GALNTL6: variants seen among roughly 807,000 people sequenced by gnomAD.
GALNTL6 encodes the protein polypeptide N-acetylgalactosaminyltransferase-like 6.
Under a neutral mutation model 73.7 loss-of-function variants are expected in GALNTL6, and 46 were observed. That is an observed-to-expected ratio of 0.62 (90% CI 0.49 to 0.80). The LOEUF (loss-of-function observed/expected upper bound fraction) is 0.80, where lower values mean the gene tolerates loss of function less well. GALNTL6 is among the 30% of genes least tolerant of loss of function. GALNTL6 has a pLI of 0.00. For synonymous variants in GALNTL6, 259 were observed against 263.7 expected (o/e 0.98, Z 0.17); for missense variants, 604 against 755.0 (o/e 0.80, Z 2.34).
At chr4:172,884,854 C>A (rs1745637938) in intron 8 of GALNTL6, among the ~76,000 whole-genome samples, 1 of 152,102 alleles carries the variant, frequency 6.6e-6, no homozygotes, top group African/African-American at 2.4e-5. Context: ...CTCATTTTCC[C>A]AGCATCATTT....
intron 10 of GALNTL6, among the ~76,000 whole-genome samples, chr4:172,955,393 G>A (rs1749664449): frequency 1.3e-5 from 2 of 151,898 alleles, no homozygotes; most frequent in South Asian, 4.2e-4. Context: ...TAGGAGAATC[G>A]CTTGAACCCG....
chr4:172,631,913 A>G (rs1338864133), intron 5 of GALNTL6, among the ~76,000 whole-genome samples: 1 of 152,200 alleles, frequency 6.6e-6, no homozygotes, highest in Non-Finnish European at 1.5e-5. Context: ...GTCTACATCA[A>G]TGTTTTAAAT....
intron 5 of GALNTL6, among the ~76,000 whole-genome samples, chr4:172,427,250 G>A (rs1287782930): frequency 2.0e-5 from 3 of 152,280 alleles, no homozygotes; most frequent in Non-Finnish European, 4.4e-5. Context: ...TGGCTGGGGA[G>A]GCCTCACAAT....
At chr4:171,840,814 C>A (rs1156249175) in intron 2 of GALNTL6, among the ~76,000 whole-genome samples, 2 of 152,108 alleles carry the variant, frequency 1.3e-5, no homozygotes, top group Admixed American at 6.6e-5. Context: ...TTTTTCTGAA[C>A]CATCTTAATT....
At chr4:171,918,142 G>C (rs751444202) in intron 2 of GALNTL6, among the ~76,000 whole-genome samples, 1 of 152,080 alleles carries the variant, frequency 6.6e-6, no homozygotes, top group Non-Finnish European at 1.5e-5. Flanking sequence ...ACAATTCTCA[G>C]ACAATAGTCT....
At chr4:171,914,348 A>G (rs1737554834) in intron 2 of GALNTL6, among the ~76,000 whole-genome samples, 2 of 152,184 alleles carry the variant, frequency 1.3e-5, no homozygotes, top group African/African-American at 4.8e-5. Context: ...CAAGAAAGGA[A>G]AAACAAAACC....
chr4:172,612,867 A>C (rs1019995824), intron 5 of GALNTL6, among the ~76,000 whole-genome samples: 3 of 152,132 alleles, frequency 2.0e-5, no homozygotes, highest in Non-Finnish European at 4.4e-5. Flanking sequence ...TAAATATTGC[A>C]ATGAAGCCCA....
intron 5 of GALNTL6, among the ~76,000 whole-genome samples, chr4:172,581,637 G>A (rs1442508515): frequency 5.3e-5 from 8 of 152,096 alleles, no homozygotes; most frequent in Non-Finnish European, 1.2e-4. Context: ...AGTCTTTCCT[G>A]TTCTTTTTAT....
intron 5 of GALNTL6, among the ~76,000 whole-genome samples, chr4:172,772,044 G>A (rs1029147914): frequency 2.0e-5 from 3 of 151,834 alleles, no homozygotes; most frequent in Admixed American, 2.0e-4. Flanking sequence ...AAGGTGAAAG[G>A]CACGTCTCAC....
At chr4:172,110,573 A>G (rs756780751) in intron 2 of GALNTL6, among the ~76,000 whole-genome samples, 3 of 152,234 alleles carry the variant, frequency 2.0e-5, no homozygotes, top group Non-Finnish European at 2.9e-5. Context: ...GAGTTGTCAG[A>G]GAAATCTAAC....
At chr4:172,494,687 T>A (rs1386742200) in intron 5 of GALNTL6, among the ~76,000 whole-genome samples, 3 of 152,194 alleles carry the variant, frequency 2.0e-5, no homozygotes, top group African/African-American at 7.2e-5. Context: ...CTGGCATAAG[T>A]CCAAGAGAGC....
chr4:172,789,240 C>G (rs35774785), intron 5 of GALNTL6, among the ~76,000 whole-genome samples: 1 of 152,092 alleles, frequency 6.6e-6, no homozygotes, highest in Non-Finnish European at 1.5e-5. Flanking sequence ...CCCATGACCC[C>G]CTCTTGGGTT....
At chr4:172,988,017 G>T (rs959403464) in intron 10 of GALNTL6, among the ~76,000 whole-genome samples, 1 of 152,276 alleles carries the variant, frequency 6.6e-6, no homozygotes, top group Admixed American at 6.5e-5. Context: ...ACTGGGAGTG[G>T]GGCATTGCTA....
At chr4:172,418,438 T>A (rs1234232878) in intron 5 of GALNTL6, among the ~76,000 whole-genome samples, 1 of 152,130 alleles carries the variant, frequency 6.6e-6, no homozygotes, top group South Asian at 2.1e-4. Context: ...GTACCTTGAA[T>A]GACAACTGTA....
At chr4:172,609,623 CTCTG>C (rs1369222965) in intron 5 of GALNTL6, among the ~76,000 whole-genome samples, 6,977 of 92,388 alleles carry the variant, frequency 0.076, 226 homozygotes, top group East Asian at 0.17. Context: ...CTCTCTCTCT[CTCTG>C]TGTGTGTGTG....
intron 5 of GALNTL6, among the ~76,000 whole-genome samples, chr4:172,723,940 T>C (rs1025738902): frequency 1.3e-5 from 2 of 152,138 alleles, no homozygotes; most frequent in African/African-American, 2.4e-5. Flanking sequence ...ACACGAGAGA[T>C]TTATAGGGAT....
At chr4:172,154,487 C>T (rs569926735) in intron 2 of GALNTL6, among the ~76,000 whole-genome samples, 1 of 152,304 alleles carries the variant, frequency 6.6e-6, no homozygotes, top group African/African-American at 2.4e-5. Context: ...CTGCCTCAGC[C>T]TCCCAAAGTG....
chr4:172,565,457 C>T (rs1020401463), intron 5 of GALNTL6, among the ~76,000 whole-genome samples: 1 of 152,114 alleles, frequency 6.6e-6, no homozygotes, highest in Non-Finnish European at 1.5e-5. Context: ...CCCACTTGGT[C>T]GTGGTCTATG....
intron 12 of GALNTL6, among the ~76,000 whole-genome samples, chr4:173,026,131 A>G (rs536739002): frequency 5.9e-5 from 9 of 152,348 alleles, no homozygotes; most frequent in Admixed American, 4.6e-4. Context: ...GTTTCCCCAT[A>G]TATACAACCT....
Sources: gnomAD v4.1 joint callset for allele counts (sites outside exome capture counted in the v4.1 genomes callset) on GRCh38, gnomAD v4.1.1 for gene constraint, MANE v1.5 for transcripts, NCBI Gene and HGNC (gene_info 2026-07-23, HGNC 2026-07-21) for gene names.